KATNAL1: variants seen among roughly 807,000 people sequenced by gnomAD.
KATNAL1 encodes katanin catalytic subunit A1 like 1, also known as katanin p60 ATPase-containing subunit A-like 1.
Under a neutral mutation model 55.2 loss-of-function variants are expected in KATNAL1, and 32 were observed. That is an observed-to-expected ratio of 0.58 (90% CI 0.44 to 0.78). KATNAL1 has a LOEUF of 0.78. Ranked by LOEUF, KATNAL1 falls within the 30% of genes least tolerant of loss-of-function variation. The pLI, the probability that KATNAL1 is intolerant of heterozygous loss-of-function variation, is 0.00. For missense variants in KATNAL1, 466 were observed against 600.9 expected, an observed-to-expected ratio of 0.78 and a Z score of 2.35; for synonymous variants, 193 against 193.6, an observed-to-expected ratio of 1.00 and a Z score of 0.02.
intron 1 of KATNAL1, chr13:30,296,670 C>T (rs963609325): frequency 1.5e-6 from 1 of 660,420 alleles, no homozygotes; most frequent in Non-Finnish European, 2.9e-6. Context: ...TGGCTGGAAG[C>T]TTGGCAGTGA....
intron 3 of KATNAL1, among the ~76,000 whole-genome samples, chr13:30,258,918 AT>A (rs1193383883): frequency 6.6e-6 from 1 of 152,198 alleles, no homozygotes; most frequent in Non-Finnish European, 1.5e-5. Flanking sequence ...GGACTTTAGA[AT>A]TTTTTAATTA....
intron 1 of KATNAL1, among the ~76,000 whole-genome samples, chr13:30,298,884 G>A (rs968721964): frequency 3.3e-5 from 5 of 152,022 alleles, no homozygotes; most frequent in Non-Finnish European, 7.4e-5. Context: ...TGAATTCCAG[G>A]AGAAAAAAGA....
rs1010853463 is a variant in KATNAL1 at position 30,204,258 on chromosome 13, G to T, written c.*4282C>A. The T allele has an allele frequency of 6.6e-5, 10 of 152,128 alleles. No individual in the cohort carries two copies. The highest frequency in any genetic ancestry group is 5.2e-4 in the Admixed American group (8 of 15,282). The allele number at this position is 152,128 out of a possible 1,614,324, so 9.4% of individuals were successfully genotyped here. A position where few individuals can be genotyped will look rare whatever the true frequency, so the allele number is the denominator to read the frequency against. On this transcript the variant is annotated 3_prime_UTR_variant, in exon 11 of 11. Coordinates refer to ENST00000380615, the MANE Select transcript of KATNAL1 (RefSeq NM_032116.5). Reference sequence around the variant, plus strand: ...CCAGCATTCACCCTTAACATTTTATGCCTGTCATACAGAATATACCCTAAA... The same window carrying T: ...CCAGCATTCACCCTTAACATTTTATTCCTGTCATACAGAATATACCCTAAA...
Position 30,210,462 on chromosome 13 carries a change from G to T in KATNAL1, c.1148-20C>A, listed in dbSNP as rs116191664. On this transcript the variant is annotated intron_variant, in intron 9 of 10. Coordinates refer to ENST00000380615, the MANE Select transcript of KATNAL1 (RefSeq NM_032116.5). ...CTTTTGCTGTTACAAGATTTTGGTG[G>T]TGTTGTTAGATGTTTTACTTTACAA... The T allele has an allele frequency of 6.4e-4, 1,022 of 1,591,756 alleles. 4 individuals are homozygous for T. In the African/African-American group the frequency reaches 0.012, roughly 19 times the overall value.
chr13:30,298,600 T>G lies in KATNAL1; in HGVS notation c.-15+8731A>C, dbSNP rs113251243. ...TTTTAGCTACTGTAAAATAAGTACA[T>G]TTAAAGACATAGGGACAAGAAATTT... is the stretch of plus-strand genomic sequence containing the variant. On this transcript the variant is annotated intron_variant, in intron 1 of 10. Coordinates refer to ENST00000380615, the MANE Select transcript of KATNAL1 (RefSeq NM_032116.5). 8.5e-3 allele frequency among the ~76,000 whole-genome samples: 1,301 copies of G among 152,248 alleles called. 26 individuals carry two copies. The highest frequency in any genetic ancestry group is 0.03 in the African/African-American group (1,240 of 41,546).
intron 4 of KATNAL1, among the ~76,000 whole-genome samples, chr13:30,247,927 G>T (rs1877942719): frequency 6.6e-6 from 1 of 152,090 alleles, no homozygotes. Context: ...GTCTGAGAGA[G>T]GATAAGAAAA....
chr13:30,282,325 G>A (rs988483201), intron 2 of KATNAL1, among the ~76,000 whole-genome samples: 6 of 152,074 alleles, frequency 3.9e-5, no homozygotes, highest in Admixed American at 1.3e-4. Context: ...AATATGAAAG[G>A]GAAAAGGGCA....
intron 3 of KATNAL1, among the ~76,000 whole-genome samples, chr13:30,261,393 TA>T (rs1175987479): frequency 2.6e-5 from 4 of 152,052 alleles, no homozygotes; most frequent in African/African-American, 9.7e-5. Context: ...GTAAATGGAC[TA>T]AATGCTCCAG....
At chr13:30,238,509 T>C (rs1876919050) in intron 6 of KATNAL1, among the ~76,000 whole-genome samples, 1 of 152,166 alleles carries the variant, frequency 6.6e-6, no homozygotes, top group Non-Finnish European at 1.5e-5. Context: ...CTCACTATAT[T>C]CCACTGCCCA....
chr13:30,219,498 A>C (rs1300940622), intron 9 of KATNAL1, among the ~76,000 whole-genome samples: 1 of 152,344 alleles, frequency 6.6e-6, no homozygotes, highest in East Asian at 1.9e-4. Flanking sequence ...CCACTGTTTT[A>C]CTGCAGTTAG....
At chr13:30,274,933 A>G (rs1298181354) in intron 3 of KATNAL1, among the ~76,000 whole-genome samples, 1 of 151,668 alleles carries the variant, frequency 6.6e-6, no homozygotes, top group Non-Finnish European at 1.5e-5. Flanking sequence ...ACACACACAC[A>G]CACACACACA....
At chr13:30,231,791 CT>C in intron 6 of KATNAL1, among the ~76,000 whole-genome samples, 1 of 152,298 alleles carries the variant, frequency 6.6e-6, no homozygotes, top group Middle Eastern at 3.4e-3. Context: ...ATATTCAGCA[CT>C]GCTTAAAAGC....
intron 1 of KATNAL1, among the ~76,000 whole-genome samples, chr13:30,288,995 C>T (rs1881968942): frequency 6.6e-6 from 1 of 152,164 alleles, no homozygotes; most frequent in South Asian, 2.1e-4. Flanking sequence ...TTTATTTGTC[C>T]ACCTGAATTC....
rs200379185 is a variant in KATNAL1 at position 30,240,161 on chromosome 13, T to C, written c.726+299A>G. Among the ~76,000 whole-genome samples the C allele has an allele frequency of 7.9e-5, 12 of 152,234 alleles. No homozygotes were observed. In the East Asian group the frequency reaches 2.1e-3, roughly 27 times the overall value. On this transcript the variant is annotated intron_variant, in intron 6 of 10. Transcript: ENST00000380615. ...CATATATTATTTCTGCTTAATCTGC[T>C]TAACTTTTTATTTATAGAACCATAC...
intron 1 of KATNAL1, among the ~76,000 whole-genome samples, chr13:30,288,784 G>A (rs976391368): frequency 1.3e-5 from 2 of 152,268 alleles, no homozygotes; most frequent in African/African-American, 4.8e-5. Context: ...CCATCAAATT[G>A]CTGTACAGCA....
At chr13:30,254,391 CAA>C in intron 4 of KATNAL1, among the ~76,000 whole-genome samples, 1 of 152,046 alleles carries the variant, frequency 6.6e-6, no homozygotes, top group African/African-American at 2.4e-5. Flanking sequence ...CCACAAACTA[CAA>C]ACATTAAAAA....
intron 6 of KATNAL1, among the ~76,000 whole-genome samples, chr13:30,235,706 T>C (rs1876587825): frequency 6.6e-6 from 1 of 152,164 alleles, no homozygotes; most frequent in Non-Finnish European, 1.5e-5. Flanking sequence ...GCCCTGTAAG[T>C]TTCTCCTTTT....
rs1434969187 is a variant in KATNAL1, at chr13:30,208,763, A to AATATACCAAAAT, written c.1275-26_1275-25insATTTTGGTATAT. The AATATACCAAAAT allele has an allele frequency of 2.0e-6, 3 of 1,527,872 alleles. No individual in the cohort carries two copies. The African/African-American group carries it at 4.1e-5, about 21-fold the overall frequency. 94.6% of individuals were successfully genotyped at this position (1,527,872 alleles called of 1,614,324 possible). ...CCTAAAAATATACCAAAATCAGTCA[A>AATATACCAAAAT]CAGTAATTTTTGCACATGTTTTAAA... On this transcript the variant is annotated intron_variant, in intron 10 of 10. Coordinates refer to ENST00000380615, the MANE Select transcript of KATNAL1 (RefSeq NM_032116.5).
chr13:30,283,877 CTTTTTTT>C (rs34524152), intron 1 of KATNAL1, 86 bp from the exon 2 acceptor site: 11 of 696,118 alleles, frequency 1.6e-5, no homozygotes, highest in African/African-American at 5.7e-5. Context: ...TTTAAAACTA[CTTTTTTT>C]TTTTTTTTTG....
Sources: gnomAD v4.1 joint callset for allele counts (sites outside exome capture counted in the v4.1 genomes callset) on GRCh38, gnomAD v4.1.1 for gene constraint, MANE v1.5 for transcripts, NCBI Gene and HGNC (gene_info 2026-07-23, HGNC 2026-07-21) for gene names.